Variants in KDM6A observed in about 807,000 individuals in gnomAD.
The protein encoded by KDM6A is lysine demethylase 6A.
KDM6A carries 11 observed loss-of-function variants against 117.6 expected under a neutral mutation model. The ratio of observed to expected loss-of-function variants is 0.09; its 90% confidence interval spans 0.06 to 0.15. The LOEUF is 0.15. Among genes scored for constraint, KDM6A ranks in the 10% least tolerant of loss-of-function variants. The pLI is 1.00. For synonymous variants in KDM6A, 384 were observed against 396.1 expected, an observed-to-expected ratio of 0.97 and a Z score of 0.36; for missense variants, 799 against 1,077.3, an observed-to-expected ratio of 0.74 and a Z score of 3.62.
intron 4 of KDM6A, among the ~76,000 whole-genome samples, chrX:44,992,206 CTTTTTTTTTTTTTTTTTTTTT>C (rs779979560): frequency 3.4e-4 from 11 of 32,062 alleles, no homozygotes; most frequent in Admixed American, 2.7e-3. Flanking sequence ...CTGTCTTCTT[CTTTTTTTTTTTTTTTTTTTTT>C]TTTTTTTTTT....
At chrX:44,921,599 A>G (rs1379246330) in intron 2 of KDM6A, among the ~76,000 whole-genome samples, 2 of 111,545 alleles carry the variant, frequency 1.8e-5, no homozygotes, top group Non-Finnish European at 3.8e-5. Flanking sequence ...TGATGGTGGC[A>G]TAGTCTCCTT....
intron 2 of KDM6A, among the ~76,000 whole-genome samples, chrX:44,924,307 A>G (rs2036168254): frequency 2.7e-5 from 3 of 111,858 alleles, no homozygotes; most frequent in South Asian, 3.7e-4. Context: ...TCTACGTTCA[A>G]TATTCCGGCC....
chrX:44,910,518 A>C (rs868737340), intron 2 of KDM6A, among the ~76,000 whole-genome samples: 1 of 34,626 alleles, frequency 2.9e-5, no homozygotes, highest in South Asian at 1.2e-3. Flanking sequence ...TTTTTTTTTT[A>C]ATTGTTCATT....
At chrX:45,030,796 G>A (rs2042572451) in intron 6 of KDM6A, among the ~76,000 whole-genome samples, 2 of 110,846 alleles carry the variant, frequency 1.8e-5, no homozygotes, top group South Asian at 3.8e-4. Context: ...TGCAACCTTC[G>A]CTTCCTGGGT....
chrX:44,954,580 T>A (rs2038212766), intron 2 of KDM6A, among the ~76,000 whole-genome samples: 1 of 111,713 alleles, frequency 9.0e-6, no homozygotes, highest in African/African-American at 3.3e-5. Context: ...GATGTCTGAA[T>A]AACAAGCTGT....
chrX:45,018,564 C>T (rs971965678), intron 5 of KDM6A, among the ~76,000 whole-genome samples: 1 of 111,569 alleles, frequency 9.0e-6, no homozygotes, highest in African/African-American at 3.3e-5. Context: ...AACATATCCA[C>T]AAATACTGTG....
chrX:45,073,030 A>T, intron 18 of KDM6A, among the ~76,000 whole-genome samples: 1 of 108,409 alleles, frequency 9.2e-6, no homozygotes, highest in Non-Finnish European at 1.9e-5. Flanking sequence ...CCTGCCTTCC[A>T]CCCCACAGCA....
intron 3 of KDM6A, among the ~76,000 whole-genome samples, chrX:44,972,403 T>C (rs2039396468): frequency 9.0e-6 from 1 of 111,070 alleles, no homozygotes; most frequent in East Asian, 2.8e-4. Context: ...CTTTCTTTTT[T>C]TTTTAATCCA....
intron 4 of KDM6A, among the ~76,000 whole-genome samples, chrX:44,989,581 T>G (rs184226956): frequency 6.9e-4 from 77 of 111,888 alleles, no homozygotes; most frequent in Non-Finnish European, 1.2e-3. Context: ...AGGAAACACG[T>G]AAACATAATT....
chrX:45,079,465 T>TG, intron 21 of KDM6A, 114 bp downstream of exon 21: 1 of 553,266 alleles, frequency 1.8e-6, no homozygotes, highest in Non-Finnish European at 3.0e-6. Context: ...TTACATAAAA[T>TG]ACTTTGTAAG....
chrX:44,949,979 A>G (rs901162224), intron 2 of KDM6A, among the ~76,000 whole-genome samples: 5 of 111,109 alleles, frequency 4.5e-5, no homozygotes, highest in Admixed American at 9.6e-5. Context: ...GTGGAGTAGC[A>G]CAAGCAAATT....
chrX:44,972,673 T>C (rs1438681886), intron 3 of KDM6A, among the ~76,000 whole-genome samples: 1 of 111,170 alleles, frequency 9.0e-6, no homozygotes, highest in Non-Finnish European at 1.9e-5. Context: ...TTAGGACATA[T>C]GACATGACCA....
chrX:45,067,963 A>G (rs988848460), intron 17 of KDM6A, among the ~76,000 whole-genome samples: 2 of 111,384 alleles, frequency 1.8e-5, no homozygotes, highest in African/African-American at 6.5e-5. Flanking sequence ...ATGTGTATCA[A>G]CTTTTAATAT....
At chrX:44,991,154 C>A (rs2040558872) in intron 4 of KDM6A, among the ~76,000 whole-genome samples, 1 of 111,465 alleles carries the variant, frequency 9.0e-6, no homozygotes, top group Admixed American at 9.6e-5. Flanking sequence ...TAGTTAGGTC[C>A]TTAATTAATT....
At chrX:44,991,845 CCTGA>C (rs1416217719) in intron 4 of KDM6A, among the ~76,000 whole-genome samples, 1 of 96,318 alleles carries the variant, frequency 1.0e-5, no homozygotes, top group Non-Finnish European at 1.9e-5. Flanking sequence ...CACCACTACG[CCTGA>C]CTAATTTTTT....
intron 4 of KDM6A, among the ~76,000 whole-genome samples, chrX:44,976,701 A>T (rs758028696): frequency 8.9e-6 from 1 of 111,840 alleles, no homozygotes; most frequent in South Asian, 3.7e-4. Context: ...TTGGATCAAT[A>T]TACCACAGTT....
chrX:45,109,142 A>T (rs768271697), intron 28 of KDM6A, among the ~76,000 whole-genome samples: 3 of 96,807 alleles, frequency 3.1e-5, no homozygotes, highest in African/African-American at 4.1e-5. Flanking sequence ...TAATAATAAT[A>T]AATAAATAAA....
intron 24 of KDM6A, among the ~76,000 whole-genome samples, chrX:45,085,649 T>C (rs755412696): frequency 8.9e-6 from 1 of 112,134 alleles, no homozygotes; most frequent in East Asian, 2.8e-4. Flanking sequence ...ATAGAAGCTC[T>C]TACTGAGTAT....
rs1284445367 is a variant in KDM6A, at chrX:44,915,308, C to T, written c.225+41321C>T. ...ATGTAGGTATTGTAGCTAAAAATGACATCCCTCTGTTCCAATGCTGGAAAA... is the reference window on the plus strand; with the variant it reads ...ATGTAGGTATTGTAGCTAAAAATGATATCCCTCTGTTCCAATGCTGGAAAA... On this transcript the variant is annotated intron_variant, in intron 2 of 29. Transcript: ENST00000611820. Among the ~76,000 whole-genome samples the T allele has an allele frequency of 1.3e-4, 14 of 111,992 alleles. No homozygotes were observed. In the Admixed American group the frequency reaches 1.3e-3, roughly 11 times the overall value.
Sources: allele counts gnomAD v4.1 joint callset (sites outside exome capture counted in the v4.1 genomes callset), GRCh38; gene constraint gnomAD v4.1.1; transcripts MANE v1.5; gene names NCBI Gene and HGNC (gene_info 2026-07-23, HGNC 2026-07-21).